The following DIP2B variants were observed in gnomAD, a reference collection of about 807,000 sequenced individuals.
The protein encoded by DIP2B is disco-interacting protein 2 homolog B.
DIP2B carries 76 observed loss-of-function variants against 198.0 expected under a neutral mutation model. That is an observed-to-expected ratio of 0.38 (90% CI 0.32 to 0.46). The LOEUF (loss-of-function observed/expected upper bound fraction) is 0.46. Among genes scored for constraint, DIP2B ranks in the 20% least tolerant of loss-of-function variants. The pLI is 0.99. For missense variants in DIP2B, 1,559 were observed against 1,978.4 expected (o/e 0.79, Z 4.02); for synonymous variants, 701 against 739.1 (o/e 0.95, Z 0.84).
intron 19 of DIP2B, among the ~76,000 whole-genome samples, chr12:50,700,914 A>T (rs1169184379): frequency 1.3e-5 from 2 of 152,210 alleles, no homozygotes; most frequent in African/African-American, 4.8e-5. Flanking sequence ...TGGCTCAATC[A>T]TAGCTCACTG....
rs192306918 is a variant in DIP2B, at chr12:50,626,660, G to A, written c.172+613G>A. ...TCAGATTGCAGGATTTCCTTTGACA[G>A]CCTATTTCTGCTTATATCACTTTTA... On this transcript the variant is annotated intron_variant, in intron 2 of 37. Coordinates refer to ENST00000301180, the MANE Select transcript of DIP2B (RefSeq NM_173602.3). Among the ~76,000 whole-genome samples the A allele has an allele frequency of 1.6e-4, 25 of 152,080 alleles. 1 individual carries two copies. The highest frequency in any genetic ancestry group is 4.8e-4 in the African/African-American group (20 of 41,464).
chr12:50,627,967 C>T (rs1211043943), intron 2 of DIP2B, among the ~76,000 whole-genome samples: 2 of 152,224 alleles, frequency 1.3e-5, no homozygotes, highest in Admixed American at 6.5e-5. Context: ...ATCCCAACCC[C>T]TCCTCCTTTT....
intron 2 of DIP2B, among the ~76,000 whole-genome samples, chr12:50,627,483 G>A (rs914493186): frequency 2.4e-4 from 36 of 152,054 alleles, no homozygotes; most frequent in African/African-American, 8.2e-4. Flanking sequence ...ACAGGTGTGC[G>A]CCACCACACC....
chr12:50,623,296 C>T (rs941139405), intron 1 of DIP2B, among the ~76,000 whole-genome samples: 4 of 151,728 alleles, frequency 2.6e-5, no homozygotes, highest in Non-Finnish European at 5.9e-5. Context: ...TCCCTTGAGC[C>T]CAGGAGTTTG....
chr12:50,637,265 C>A (rs557109647), intron 2 of DIP2B, among the ~76,000 whole-genome samples: 3 of 152,308 alleles, frequency 2.0e-5, no homozygotes, highest in East Asian at 1.9e-4. Context: ...GATATTCTGT[C>A]ATTTCCTGTA....
At chr12:50,656,006 A>G (rs1463903445) in intron 3 of DIP2B, among the ~76,000 whole-genome samples, 2 of 152,156 alleles carry the variant, frequency 1.3e-5, no homozygotes, top group African/African-American at 4.8e-5. Flanking sequence ...TTTAAAATGT[A>G]CTTCCTGTGT....
chr12:50,714,594 C>G lies in DIP2B; in HGVS notation c.2849C>G (p.Pro950Arg). Residue 950 changes from proline to arginine, a missense_variant and splice_region_variant, in exon 23 of 38, where the codon CCA becomes CGA. By Grantham distance (103) the Pro-to-Arg change is moderately radical. Transcript: ENST00000301180. ...TTGCCAAAGCCCCGGCAAAAACAACCAGGTAATATGCTGGCTTCCAAGACC... is the reference window on the plus strand; with the variant it reads ...TTGCCAAAGCCCCGGCAAAAACAACGAGGTAATATGCTGGCTTCCAAGACC... ...TNLPKPRQKQPGVGPASVMVG... is the reference protein window; with the variant it reads ...TNLPKPRQKQRGVGPASVMVG... 6.2e-7 allele frequency: 1 copy of G among 1,613,990 alleles called. No homozygotes were observed. The highest frequency in any genetic ancestry group is 1.1e-5 in the South Asian group (1 of 91,076).
At chr12:50,627,829 ACAACTCCTT>A in intron 2 of DIP2B, among the ~76,000 whole-genome samples, 1 of 152,222 alleles carries the variant, frequency 6.6e-6, no homozygotes, top group East Asian at 1.9e-4. Flanking sequence ...GCATACGATG[ACAACTCCTT>A]CAACTTCCTG....
At chr12:50,623,220 G>GA (rs1168476283) in intron 1 of DIP2B, among the ~76,000 whole-genome samples, 1 of 151,688 alleles carries the variant, frequency 6.6e-6, no homozygotes, top group Non-Finnish European at 1.5e-5. Flanking sequence ...TCTGTCTTGA[G>GA]AAAAAATTTA....
At chr12:50,544,593 A>C (rs1958358798) in intron 1 of DIP2B, among the ~76,000 whole-genome samples, 1 of 150,702 alleles carries the variant, frequency 6.6e-6, no homozygotes, top group Non-Finnish European at 1.5e-5. Context: ...GGCGTGAGCC[A>C]CTGCACCTGG....
chr12:50,711,917 C>T (rs1939623390), intron 22 of DIP2B, among the ~76,000 whole-genome samples: 1 of 152,134 alleles, frequency 6.6e-6, no homozygotes, highest in Admixed American at 6.5e-5. Context: ...GCTTCTAGTC[C>T]CAACAATTTG....
chr12:50,555,021 A>G (rs1958458044), intron 1 of DIP2B, among the ~76,000 whole-genome samples: 2 of 152,030 alleles, frequency 1.3e-5, no homozygotes, highest in South Asian at 4.1e-4. Context: ...GCCTGCCTCA[A>G]CTTCCCAAAG....
Position 50,641,721 on chromosome 12 carries a change from C to T in DIP2B, c.301+869C>T, listed in dbSNP as rs766615687. 6.6e-5 allele frequency among the ~76,000 whole-genome samples: 10 copies of T among 152,224 alleles called. No homozygotes were observed. The East Asian group carries it at 7.7e-4, about 12-fold the overall frequency. On this transcript the variant is annotated intron_variant, in intron 3 of 37. Transcript: ENST00000301180. ...TTGTACTGTGCTTGGGACCACCTGG[C>T]GGCCAGTACCAGGTGTGTGGCTTTG...
intron 1 of DIP2B, among the ~76,000 whole-genome samples, chr12:50,526,960 G>C (rs2139359183): frequency 6.6e-6 from 1 of 152,260 alleles, no homozygotes; most frequent in Middle Eastern, 3.4e-3. Flanking sequence ...TTAACCAAAT[G>C]TAATATCCGT....
intron 23 of DIP2B, among the ~76,000 whole-genome samples, chr12:50,718,456 T>C (rs1298488883): frequency 6.6e-6 from 1 of 152,204 alleles, no homozygotes; most frequent in Admixed American, 6.5e-5. Context: ...CCTCCTGTTT[T>C]CTTGTTTGTT....
At chr12:50,621,991 C>T (rs185935000) in intron 1 of DIP2B, among the ~76,000 whole-genome samples, 5 of 152,274 alleles carry the variant, frequency 3.3e-5, no homozygotes, top group Non-Finnish European at 1.5e-5. Flanking sequence ...GATTGTCCCA[C>T]GATCATTTAC....
intron 1 of DIP2B, among the ~76,000 whole-genome samples, chr12:50,585,404 TG>T (rs1433003515): frequency 6.6e-6 from 1 of 152,054 alleles, no homozygotes; most frequent in African/African-American, 2.4e-5. Flanking sequence ...GCTAAGGGGA[TG>T]GAGGGAATTG....
chr12:50,653,268 T>C (rs1938489723), intron 3 of DIP2B, among the ~76,000 whole-genome samples: 1 of 151,584 alleles, frequency 6.6e-6, no homozygotes, highest in Non-Finnish European at 1.5e-5. Flanking sequence ...TAAGAATTTA[T>C]CCAATTTTTT....
chr12:50,658,086 CAAA>C lies in DIP2B; in HGVS notation c.302-2095_302-2093del, dbSNP rs1156952803. On this transcript the variant is annotated intron_variant, in intron 3 of 37. Coordinates refer to ENST00000301180, the MANE Select transcript of DIP2B (RefSeq NM_173602.3). The stretch of plus-strand genomic sequence containing the variant: ...CAGCATACATAGCAAGACCTCATCT[CAAA>C]AAAAAAAAAAAAGAAAGAAAAAAAA... 6.3e-5 allele frequency among the ~76,000 whole-genome samples: 5 copies of C among 79,802 alleles called. 1 individual carries two copies. The highest frequency in any genetic ancestry group is 2.8e-4 in the Admixed American group (2 of 7,022). 52.4% of individuals were successfully genotyped at this position (79,802 alleles called of 152,430 possible). A position where few individuals can be genotyped will look rare whatever the true frequency, so the allele number is the denominator to read the frequency against.
Sources: allele counts gnomAD v4.1 joint callset (sites outside exome capture counted in the v4.1 genomes callset), GRCh38; gene constraint gnomAD v4.1.1; transcripts MANE v1.5; gene names NCBI Gene and HGNC (gene_info 2026-07-23, HGNC 2026-07-21).